The following SNX7 variants were observed in gnomAD, a reference collection of about 807,000 sequenced individuals.
The protein encoded by SNX7 is sorting nexin 7, also known as sorting nexin-7.
In SNX7, 35 loss-of-function variants were observed where a neutral mutation model predicts 48.4. The ratio of observed to expected loss-of-function variants is 0.72; its 90% CI spans 0.55 to 0.96. The LOEUF (loss-of-function observed/expected upper bound fraction) is 0.96, where lower values mean the gene tolerates loss of function less well. Ranked by LOEUF, SNX7 falls within the 40% of genes least tolerant of loss-of-function variation. SNX7 has a pLI of 0.00. For missense variants in SNX7, 553 were observed against 548.9 expected (o/e 1.01, Z -0.07); for synonymous variants, 190 against 190.2 (o/e 1.00, Z 0.01).
At chr1:98,723,912 T>G (rs1418500072) in intron 7 of SNX7, among the ~76,000 whole-genome samples, 1 of 152,158 alleles carries the variant, frequency 6.6e-6, no homozygotes, top group African/African-American at 2.4e-5. Context: ...CAGTTTTGTC[T>G]TATTTATTCA....
At chr1:98,752,233 A>T (rs893091392) in intron 8 of SNX7, among the ~76,000 whole-genome samples, 1 of 152,156 alleles carries the variant, frequency 6.6e-6, no homozygotes, top group East Asian at 1.9e-4. Flanking sequence ...TATAAACAAT[A>T]TATTTCTTGA....
intron 7 of SNX7, among the ~76,000 whole-genome samples, chr1:98,718,950 A>G (rs946427470): frequency 6.6e-6 from 1 of 152,090 alleles, no homozygotes; most frequent in Non-Finnish European, 1.5e-5. Context: ...GCTGGTAAAT[A>G]TTTATTTCTG....
chr1:98,696,394 C>T (rs572594406), intron 5 of SNX7, among the ~76,000 whole-genome samples: 5 of 152,172 alleles, frequency 3.3e-5, no homozygotes, highest in Admixed American at 1.3e-4. Flanking sequence ...TTGACCTCTA[C>T]TTAACTGTAC....
At chr1:98,751,085 C>T (rs1654555754) in intron 8 of SNX7, among the ~76,000 whole-genome samples, 1 of 152,024 alleles carries the variant, frequency 6.6e-6, no homozygotes, top group African/African-American at 2.4e-5. Flanking sequence ...AAGAAATTTG[C>T]CTGAAGTCAC....
chr1:98,758,028 T>C (rs4907892), intron 8 of SNX7, among the ~76,000 whole-genome samples: 23,591 of 152,044 alleles, frequency 0.16, 1,929 homozygotes, highest in South Asian at 0.19. Flanking sequence ...CTTGATTATA[T>C]TTGCTTACTT....
intron 7 of SNX7, among the ~76,000 whole-genome samples, chr1:98,725,831 TG>T (rs1388025246): frequency 2.0e-5 from 3 of 152,214 alleles, no homozygotes; most frequent in Non-Finnish European, 4.4e-5. Context: ...CTGGGCTTTT[TG>T]GCTTCAACTA....
At chr1:98,724,560 A>G (rs1340552838) in intron 7 of SNX7, among the ~76,000 whole-genome samples, 2 of 152,154 alleles carry the variant, frequency 1.3e-5, no homozygotes, top group Non-Finnish European at 2.9e-5. Flanking sequence ...CTAAATTTTA[A>G]TTGTGCTAAC....
At chr1:98,676,071 A>G (rs1006378486) in intron 1 of SNX7, among the ~76,000 whole-genome samples, 2 of 152,156 alleles carry the variant, frequency 1.3e-5, no homozygotes, top group Non-Finnish European at 2.9e-5. Flanking sequence ...AACATCTGGA[A>G]TAATTCCTGT....
At chr1:98,736,456 G>A (rs982155206) in intron 7 of SNX7, among the ~76,000 whole-genome samples, 1 of 152,144 alleles carries the variant, frequency 6.6e-6, no homozygotes, top group African/African-American at 2.4e-5. Context: ...GGCTGTGGGT[G>A]CCTATTTCCA....
intron 4 of SNX7, among the ~76,000 whole-genome samples, chr1:98,694,369 CAAA>C (rs775800995): frequency 9.3e-5 from 5 of 54,026 alleles, no homozygotes; most frequent in Non-Finnish European, 1.2e-4. Context: ...GACTCCGTCT[CAAA>C]AAAAAAAAAA....
Position 98,684,956 on chromosome 1 carries a change from A to G in SNX7, c.252A>G (p.Gln84=), listed in dbSNP as rs765499387. ...CATCCCCTTTATCAATGATAAACCA[A>G]ATCAAGTTTGAGGATGAACCAGATT... ...MPTSPLSMIN[Q]IKFEDEPDLK... Residue 84 remains glutamine, a synonymous_variant, in exon 2 of 9, where the codon CAA becomes CAG. Coordinates refer to ENST00000306121, the MANE Select transcript of SNX7 (RefSeq NM_015976.5). 1.4e-5 allele frequency: 23 copies of G among 1,599,562 alleles called. No individual in the cohort carries two copies. Among genetic ancestry groups the G allele is most frequent in the Non-Finnish European group, 1.9e-5 (22 of 1,171,966 alleles).
intron 1 of SNX7, among the ~76,000 whole-genome samples, chr1:98,669,249 C>T (rs1022984822): frequency 2.0e-5 from 3 of 152,196 alleles, no homozygotes; most frequent in Admixed American, 6.5e-5. Flanking sequence ...TGAATGTCCC[C>T]ATCATTTTTA....
chr1:98,678,501 A>G (rs945386332), intron 1 of SNX7, among the ~76,000 whole-genome samples: 1 of 152,190 alleles, frequency 6.6e-6, no homozygotes, highest in East Asian at 1.9e-4. Context: ...TGGTTTTGTA[A>G]ATACCAATCT....
At chr1:98,698,657 G>A (rs777968154) in intron 5 of SNX7, 49 bp from the exon 6 acceptor site, 4 of 1,532,188 alleles carry the variant, frequency 2.6e-6, no homozygotes, top group Non-Finnish European at 3.5e-6. Context: ...CAGGTATTTT[G>A]AAAACTTTTG....
rs557149276 is a variant in SNX7, at chr1:98,686,164, A to G, written c.363+1097A>G. Among the ~76,000 whole-genome samples, 117 of 152,274 alleles carry G rather than the reference A, an allele frequency of 7.7e-4. 1 individual carries two copies. Among genetic ancestry groups the G allele is most frequent in the Non-Finnish European group, 1.3e-3 (88 of 67,998 alleles). The stretch of plus-strand genomic sequence containing the variant: ...TTCAATATACAACTCAAAATGTTAG[A>G]TGCCTGTGAAAGCTTCTCTAGTTGT... On this transcript the variant is annotated intron_variant, in intron 2 of 8. Transcript: ENST00000306121.
At chr1:98,679,940 C>G (rs1438814585) in intron 1 of SNX7, among the ~76,000 whole-genome samples, 5 of 152,208 alleles carry the variant, frequency 3.3e-5, no homozygotes, top group Non-Finnish European at 5.9e-5. Flanking sequence ...TGATGGCCCT[C>G]TTCTCACAGC....
At chr1:98,674,664 A>AT (rs1650062083) in intron 1 of SNX7, among the ~76,000 whole-genome samples, 1 of 152,250 alleles carries the variant, frequency 6.6e-6, no homozygotes, top group Non-Finnish European at 1.5e-5. Context: ...AATGCTTATA[A>AT]TAAACCCCGA....
Position 98,760,295 on chromosome 1 carries a change from T to C in SNX7, c.*164T>C. On this transcript the variant is annotated 3_prime_UTR_variant, in exon 9 of 9. Transcript: ENST00000306121. Reference sequence around the variant, plus strand: ...AGGTATTCCAGGTCACTGACATGAATTTGAAGATATATCTATCTGTATGGA... The same window carrying C: ...AGGTATTCCAGGTCACTGACATGAACTTGAAGATATATCTATCTGTATGGA... 6 of 601,132 alleles carry C rather than the reference T, an allele frequency of 1.0e-5. No individual in the cohort carries two copies. In the South Asian group the frequency reaches 1.3e-4, roughly 13 times the overall value. The allele number at this position is 601,132 out of a possible 1,614,324, so 37.2% of individuals were successfully genotyped here. A position where few individuals can be genotyped will look rare whatever the true frequency, so the allele number is the denominator to read the frequency against.
At chr1:98,697,466 C>T (rs986337041) in intron 5 of SNX7, among the ~76,000 whole-genome samples, 8 of 151,906 alleles carry the variant, frequency 5.3e-5, no homozygotes, top group Non-Finnish European at 1.2e-4. Context: ...AAATTTTCCA[C>T]CACAAAAAGC....
Sources: gnomAD v4.1 joint callset for allele counts (sites outside exome capture counted in the v4.1 genomes callset) on GRCh38, gnomAD v4.1.1 for gene constraint, MANE v1.5 for transcripts, NCBI Gene and HGNC (gene_info 2026-07-23, HGNC 2026-07-21) for gene names.